Variants in GALNT13 observed in about 807,000 individuals in gnomAD.
GALNT13 encodes the protein UDP-GalNAc:polypeptide N-acetylgalactosaminyltransferase 13.
GALNT13 carries 28 observed loss-of-function variants against 64.2 expected under a neutral mutation model. The observed-to-expected ratio is 0.44, with a 90% CI of 0.32 to 0.60. The LOEUF (loss-of-function observed/expected upper bound fraction) is 0.60. GALNT13 is among the 20% of genes least tolerant of loss of function. GALNT13 has a pLI of 0.05. For synonymous variants in GALNT13, 214 were observed against 224.6 expected (o/e 0.95, Z 0.42); for missense variants, 577 against 669.8 (o/e 0.86, Z 1.53).
At chr2:153,266,174 G>T in the GALNT13 span, among the ~76,000 whole-genome samples, 1 of 152,112 alleles carries the variant, frequency 6.6e-6, no homozygotes, top group South Asian at 2.1e-4. Context: ...AGGTATGTTT[G>T]TATATAAAAT....
chr2:154,279,939 C>CAA (rs570657811), intron 8 of GALNT13, among the ~76,000 whole-genome samples: 9 of 145,498 alleles, frequency 6.2e-5, no homozygotes, highest in South Asian at 2.2e-4. Flanking sequence ...CTCTATATAG[C>CAA]AAAAAAAAAA....
At chr2:153,776,274 A>G in the GALNT13 span, among the ~76,000 whole-genome samples, 2 of 152,344 alleles carry the variant, frequency 1.3e-5, no homozygotes, top group South Asian at 4.1e-4. Context: ...TAAAAAACTA[A>G]GACACAAAAG....
the GALNT13 span, among the ~76,000 whole-genome samples, chr2:153,438,722 T>C: frequency 6.6e-6 from 1 of 152,184 alleles, no homozygotes; most frequent in African/African-American, 2.4e-5. Flanking sequence ...TAGTTACCAT[T>C]CATCTAATTT....
At chr2:153,104,416 T>C in the GALNT13 span, among the ~76,000 whole-genome samples, 1 of 152,164 alleles carries the variant, frequency 6.6e-6, no homozygotes, top group Admixed American at 6.6e-5. Flanking sequence ...ATTTCTGACT[T>C]TACTAAGAAA....
the GALNT13 span, among the ~76,000 whole-genome samples, chr2:153,140,879 A>G: frequency 6.6e-6 from 1 of 152,062 alleles, no homozygotes; most frequent in Non-Finnish European, 1.5e-5. Context: ...AATGGCCTGA[A>G]ATATAATTTA....
the GALNT13 span, among the ~76,000 whole-genome samples, chr2:153,476,758 C>CA: frequency 6.6e-6 from 1 of 152,204 alleles, no homozygotes; most frequent in African/African-American, 2.4e-5. Context: ...ATCACAACGA[C>CA]AGTAATGCAT....
intron 11 of GALNT13, among the ~76,000 whole-genome samples, chr2:154,432,292 G>A (rs1700747200): frequency 6.6e-6 from 1 of 152,130 alleles, no homozygotes; most frequent in Non-Finnish European, 1.5e-5. Flanking sequence ...CAGATACCAA[G>A]ATACAATAAA....
At chr2:153,131,214 A>G in the GALNT13 span, among the ~76,000 whole-genome samples, 1 of 152,226 alleles carries the variant, frequency 6.6e-6, no homozygotes, top group African/African-American at 2.4e-5. Flanking sequence ...CCTCCAAATT[A>G]TCATAAATAA....
chr2:153,173,005 G>A, the GALNT13 span, among the ~76,000 whole-genome samples: 1 of 152,056 alleles, frequency 6.6e-6, no homozygotes, highest in East Asian at 1.9e-4. Flanking sequence ...TGAGAATAAT[G>A]ACTTGTATAC....
At chr2:153,095,891 TG>T in the GALNT13 span, among the ~76,000 whole-genome samples, 1 of 148,766 alleles carries the variant, frequency 6.7e-6, no homozygotes, top group South Asian at 2.1e-4. Context: ...TGTCATGGGG[TG>T]GGGGGAGCGG....
At chr2:153,783,868 G>T in the GALNT13 span, among the ~76,000 whole-genome samples, 1 of 152,268 alleles carries the variant, frequency 6.6e-6, no homozygotes, top group Admixed American at 6.5e-5. Flanking sequence ...TCCCAGCCAT[G>T]CTGAACTGTG....
chr2:153,595,826 G>A, the GALNT13 span, among the ~76,000 whole-genome samples: 2 of 152,120 alleles, frequency 1.3e-5, no homozygotes, highest in Non-Finnish European at 2.9e-5. Context: ...TAAAACATGT[G>A]CCCAATATTG....
the GALNT13 span, among the ~76,000 whole-genome samples, chr2:153,621,030 T>A: frequency 6.6e-6 from 1 of 152,086 alleles, no homozygotes; most frequent in Non-Finnish European, 1.5e-5. Context: ...ACCTTGATGG[T>A]CTTAGACAAG....
At chr2:153,100,419 A>G in the GALNT13 span, among the ~76,000 whole-genome samples, 1 of 152,232 alleles carries the variant, frequency 6.6e-6, no homozygotes, top group Non-Finnish European at 1.5e-5. Flanking sequence ...GCTTGAAAGT[A>G]AATTTCTACT....
chr2:153,359,354 C>T, the GALNT13 span, among the ~76,000 whole-genome samples: 1 of 152,010 alleles, frequency 6.6e-6, no homozygotes, highest in Admixed American at 6.6e-5. Context: ...TAAGCAACAC[C>T]TTTTAATTTT....
the GALNT13 span, among the ~76,000 whole-genome samples, chr2:153,675,075 G>A: frequency 0.17 from 25,789 of 152,168 alleles, 2,715 homozygotes; most frequent in Non-Finnish European, 0.23. Flanking sequence ...TGGAGAAACA[G>A]GAATGCTTTT....
chr2:153,070,179 C>A, the GALNT13 span, among the ~76,000 whole-genome samples: 1 of 151,990 alleles, frequency 6.6e-6, no homozygotes, highest in Admixed American at 6.6e-5. Flanking sequence ...CATGGAGAAA[C>A]CTTAAATATT....
upstream of GALNT13, among the ~76,000 whole-genome samples, chr2:153,869,338 T>G (rs540350573): frequency 4.7e-4 from 71 of 152,284 alleles, no homozygotes; most frequent in Non-Finnish European, 1.3e-4. Flanking sequence ...ATAGATATTA[T>G]TCCCAGTTTG....
the GALNT13 span, among the ~76,000 whole-genome samples, chr2:153,114,366 G>A: frequency 2.0e-3 from 304 of 152,240 alleles, 4 homozygotes; most frequent in African/African-American, 6.8e-3. Flanking sequence ...CTCTTGCACT[G>A]TGGCTATATG....
Sources: gnomAD v4.1 joint callset for allele counts (sites outside exome capture counted in the v4.1 genomes callset) on GRCh38, gnomAD v4.1.1 for gene constraint, MANE v1.5 for transcripts, NCBI Gene and HGNC (gene_info 2026-07-23, HGNC 2026-07-21) for gene names.